The following GFRA1 variants were observed in gnomAD, a reference collection of about 807,000 sequenced individuals.
GFRA1 encodes GDNF family receptor alpha-1.
In GFRA1, 16 loss-of-function variants were observed where a neutral mutation model predicts 51.6. The ratio of observed to expected loss-of-function variants is 0.31; its 90% confidence interval spans 0.21 to 0.47. GFRA1 has a LOEUF of 0.47. Among genes scored for constraint, GFRA1 ranks in the 20% least tolerant of loss-of-function variants. GFRA1 has a pLI of 1.00. For synonymous variants in GFRA1, 270 were observed against 241.3 expected (o/e 1.12, Z -1.10); for missense variants, 530 against 594.3 (o/e 0.89, Z 1.13).
chr10:116,158,155 G>C (rs969191146), intron 5 of GFRA1, among the ~76,000 whole-genome samples: 2 of 152,166 alleles, frequency 1.3e-5, no homozygotes, highest in Admixed American at 1.3e-4. Context: ...ACCAGCAAAG[G>C]AAGATGTTCT....
chr10:116,206,078 T>C (rs1025904326), intron 5 of GFRA1, among the ~76,000 whole-genome samples: 1 of 152,182 alleles, frequency 6.6e-6, no homozygotes, highest in African/African-American at 2.4e-5. Context: ...CTGAAACATT[T>C]GCACAGAGGA....
At chr10:116,114,854 G>A (rs1957349821) in intron 6 of GFRA1, among the ~76,000 whole-genome samples, 1 of 152,198 alleles carries the variant, frequency 6.6e-6, no homozygotes, top group Admixed American at 6.5e-5. Context: ...GGCACATGCT[G>A]AGGTACTTGC....
rs1954802500 is a variant in GFRA1, at chr10:116,061,263, A to AG, written c.*3134_*3135insC. On this transcript the variant is annotated 3_prime_UTR_variant, in exon 11 of 11. Transcript: ENST00000355422. The stretch of plus-strand genomic sequence containing the variant: ...AAGTCTGTTAAAAAAAAAAAAAAAG[A>AG]AATGGAAACCACACTCCTATCACAT... 6.6e-6 allele frequency: 1 copy of AG among 150,554 alleles called. No homozygotes were observed. Among genetic ancestry groups the AG allele is most frequent in the Non-Finnish European group, 1.5e-5 (1 of 67,814 alleles). The allele number at this position is 150,554 out of a possible 1,614,324, so 9.3% of individuals were successfully genotyped here. A position where few individuals can be genotyped will look rare whatever the true frequency, so the allele number is the denominator to read the frequency against.
chr10:116,253,074 T>A (rs748219003), intron 4 of GFRA1, among the ~76,000 whole-genome samples: 1 of 152,218 alleles, frequency 6.6e-6, no homozygotes, highest in Non-Finnish European at 1.5e-5. Flanking sequence ...GGCCAGGATA[T>A]CTAGATGGGA....
chr10:116,131,038 T>C (rs1958083175), intron 5 of GFRA1, among the ~76,000 whole-genome samples: 1 of 152,172 alleles, frequency 6.6e-6, no homozygotes. Flanking sequence ...AAAGGACTGG[T>C]ATCTAAAATA....
chr10:116,058,139 C>T lies in GFRA1; in HGVS notation c.*6259G>A, dbSNP rs141240551. On this transcript the variant is annotated 3_prime_UTR_variant, in exon 11 of 11. Coordinates refer to ENST00000355422, the MANE Select transcript of GFRA1 (RefSeq NM_005264.8). Reference sequence around the variant, plus strand: ...CTGCACTGCCACAGTCACCCGGTCTCGCCCCAGGTAATCAACCTTTACTGA... The same window carrying T: ...CTGCACTGCCACAGTCACCCGGTCTTGCCCCAGGTAATCAACCTTTACTGA... The T allele has an allele frequency of 1.3e-5, 2 of 152,078 alleles. No homozygotes were observed. The highest frequency in any genetic ancestry group is 2.9e-5 in the Non-Finnish European group (2 of 68,066). 9.4% of individuals were successfully genotyped at this position (152,078 alleles called of 1,614,324 possible).
chr10:116,272,066 A>G lies in GFRA1; in HGVS notation c.-37T>C, dbSNP rs755138188. The G allele has an allele frequency of 6.5e-7, 1 of 1,536,916 alleles. No individual in the cohort carries two copies. Among genetic ancestry groups the G allele is most frequent in the South Asian group, 1.2e-5 (1 of 83,782 alleles). On this transcript the variant is annotated 5_prime_UTR_variant, in exon 2 of 11. Coordinates refer to ENST00000355422, the MANE Select transcript of GFRA1 (RefSeq NM_005264.8). The surrounding 1 kb of genome is among the most constrained non-coding windows in gnomAD (Gnocchi z 4.4). ...GGGGCTGGTCCCCGCCCCCCCAAAA[A>G]AATCCCGAGCCGCCGCTGGGTCTTG...
At position 116,142,624 on chromosome 10, in the gene GFRA1, G is replaced by A. The variant is rs374584974; in HGVS notation, c.434-17067C>T. ...TCTGGTAGCTTCTAATGGACTTTGC[G>A]TGTACGTCAGATTGCTTTGTGCCCT... On this transcript the variant is annotated intron_variant, in intron 5 of 10. Transcript: ENST00000355422. 3.3e-4 allele frequency among the ~76,000 whole-genome samples: 50 copies of A among 152,304 alleles called. 1 individual carries two copies. The highest frequency in any genetic ancestry group is 1.2e-3 in the African/African-American group (49 of 41,572).
chr10:116,126,028 C>T (rs1957858939), intron 5 of GFRA1, among the ~76,000 whole-genome samples: 1 of 152,190 alleles, frequency 6.6e-6, no homozygotes, highest in Non-Finnish European at 1.5e-5. Flanking sequence ...TATGATTACA[C>T]AGTAATTACA....
rs546302194 is a variant in GFRA1 at position 116,124,194 on chromosome 10, C to T, written c.770+1027G>A. 2.2e-3 allele frequency among the ~76,000 whole-genome samples: 337 copies of T among 151,934 alleles called. 1 individual carries two copies. The highest frequency in any genetic ancestry group is 6.8e-3 in the Middle Eastern group (2 of 294). The stretch of plus-strand genomic sequence containing the variant: ...CGTTGGGATTACAGGTGTGAGCCAC[C>T]GCGCCAGGCCTGTGGTTTTTCTTTT... On this transcript the variant is annotated intron_variant, in intron 6 of 10. Coordinates refer to ENST00000355422, the MANE Select transcript of GFRA1 (RefSeq NM_005264.8).
rs1844016696 is a variant in GFRA1 at position 116,272,229 on chromosome 10, G to A, written c.-200C>T. The A allele has an allele frequency of 3.2e-6, 2 of 620,540 alleles. No individual in the cohort carries two copies. The highest frequency in any genetic ancestry group is 2.9e-6 in the Non-Finnish European group (1 of 348,880). The allele number at this position is 620,540 out of a possible 1,614,324, so 38.4% of individuals were successfully genotyped here. ...GCCGGCGACTCAGCTCCGGGATGGC[G>A]AGGGCGGGAGGCGGTTCCGCTTTTA... On this transcript the variant is annotated 5_prime_UTR_variant, in exon 2 of 11. Coordinates refer to ENST00000355422, the MANE Select transcript of GFRA1 (RefSeq NM_005264.8). The surrounding 1 kb of genome is among the most constrained non-coding windows in gnomAD (Gnocchi z 4.4).
chr10:116,156,418 CA>C (rs779832687), intron 5 of GFRA1, among the ~76,000 whole-genome samples: 1 of 147,516 alleles, frequency 6.8e-6, no homozygotes, highest in Non-Finnish European at 1.5e-5. Flanking sequence ...CATGCTTTTA[CA>C]AACCTTTCAC....
chr10:116,270,774 T>C (rs1473566919), intron 3 of GFRA1, 48 bp downstream of exon 3: 1 of 1,517,676 alleles, frequency 6.6e-7, no homozygotes, highest in East Asian at 2.3e-5. Flanking sequence ...AAGGCCCGCC[T>C]GCCTTCGGGG....
chr10:116,103,400 T>C (rs1334388797), intron 6 of GFRA1, among the ~76,000 whole-genome samples: 1 of 152,228 alleles, frequency 6.6e-6, no homozygotes, highest in Non-Finnish European at 1.5e-5. Flanking sequence ...TCTTAGTCTA[T>C]CTTTGGTGGC....
chr10:116,144,169 G>GA (rs1958693602), intron 5 of GFRA1, among the ~76,000 whole-genome samples: 5 of 152,094 alleles, frequency 3.3e-5, no homozygotes, highest in Admixed American at 3.3e-4. Flanking sequence ...ACTGCTAAAA[G>GA]AAAATGACTT....
intron 4 of GFRA1, among the ~76,000 whole-genome samples, chr10:116,216,491 T>C (rs1382736506): frequency 9.9e-5 from 15 of 152,222 alleles, no homozygotes; most frequent in Non-Finnish European, 2.1e-4. Flanking sequence ...ATTATTACAA[T>C]ATCACACTTA....
chr10:116,200,466 C>G (rs1442238016), intron 5 of GFRA1, among the ~76,000 whole-genome samples: 1 of 152,176 alleles, frequency 6.6e-6, no homozygotes, highest in Non-Finnish European at 1.5e-5. Context: ...GGGATAGAGA[C>G]GGAGATTAGT....
chr10:116,185,855 T>C (rs1962658860), intron 5 of GFRA1, among the ~76,000 whole-genome samples: 1 of 152,220 alleles, frequency 6.6e-6, no homozygotes, highest in South Asian at 2.1e-4. Context: ...CTGTTTTAAT[T>C]ATAATTGTGC....
At chr10:116,080,434 A>G (rs911027867) in intron 9 of GFRA1, among the ~76,000 whole-genome samples, 1 of 152,218 alleles carries the variant, frequency 6.6e-6, no homozygotes, top group Non-Finnish European at 1.5e-5. Flanking sequence ...CAAAAATCTC[A>G]CAAATCACCA....
Sources: gnomAD v4.1 joint callset for allele counts (sites outside exome capture counted in the v4.1 genomes callset) on GRCh38, gnomAD v4.1.1 for gene constraint, Gnocchi (gnomAD v3.1) non-coding constraint, MANE v1.5 for transcripts, NCBI Gene and HGNC (gene_info 2026-07-23, HGNC 2026-07-21) for gene names.